Variants in HMBOX1 observed in about 807,000 individuals in gnomAD.
HMBOX1 encodes homeobox-containing protein 1.
In HMBOX1, 14 loss-of-function variants were observed where a neutral mutation model predicts 54.5. The observed-to-expected ratio is 0.26, with a 90% CI of 0.17 to 0.40. The LOEUF is 0.40. Ranked by LOEUF, HMBOX1 falls within the 10% of genes least tolerant of loss-of-function variation. The pLI is 1.00. For synonymous variants in HMBOX1, 160 were observed against 181.0 expected, an observed-to-expected ratio of 0.88 and a Z score of 0.93; for missense variants, 332 against 514.4, an observed-to-expected ratio of 0.65 and a Z score of 3.43.
intron 4 of HMBOX1, among the ~76,000 whole-genome samples, chr8:29,005,200 T>C (rs911900293): frequency 1.3e-5 from 2 of 152,230 alleles, no homozygotes; most frequent in African/African-American, 4.8e-5. Flanking sequence ...CTAACCTTGC[T>C]TACTTCAGAG....
chr8:28,950,911 G>A (rs1358973332), intron 1 of HMBOX1, among the ~76,000 whole-genome samples: 1 of 152,204 alleles, frequency 6.6e-6, no homozygotes, highest in Non-Finnish European at 1.5e-5. Flanking sequence ...AAGTAATCAA[G>A]ACCTATAATT....
intron 1 of HMBOX1, among the ~76,000 whole-genome samples, chr8:28,950,739 TAA>T (rs1273017926): frequency 6.6e-6 from 1 of 152,228 alleles, no homozygotes; most frequent in Non-Finnish European, 1.5e-5. Flanking sequence ...GACCTAGGGA[TAA>T]GTCTTCTCTG....
intron 1 of HMBOX1, among the ~76,000 whole-genome samples, chr8:28,900,433 T>C (rs1451009571): frequency 3.3e-5 from 5 of 151,866 alleles, no homozygotes; most frequent in Middle Eastern, 3.2e-3. Context: ...TAATGTCTAC[T>C]TAGAACCTAT....
chr8:29,047,514 T>TAAGA (rs1030806132), intron 8 of HMBOX1, 61 bp downstream of exon 8: 4 of 829,610 alleles, frequency 4.8e-6, no homozygotes, highest in Non-Finnish European at 8.3e-6. Context: ...ATGTTTATAT[T>TAAGA]AAGATTAACT....
chr8:28,922,572 G>A (rs1817734293), intron 1 of HMBOX1, among the ~76,000 whole-genome samples: 2 of 152,058 alleles, frequency 1.3e-5, no homozygotes, highest in East Asian at 1.9e-4. Flanking sequence ...CCTGGGTACC[G>A]TTGAAATCTA....
chr8:28,939,699 G>A (rs1259737355), intron 1 of HMBOX1, among the ~76,000 whole-genome samples: 12 of 151,992 alleles, frequency 7.9e-5, no homozygotes, highest in African/African-American at 1.9e-4. Flanking sequence ...TAGTAGAGAC[G>A]AGGTTTCACT....
chr8:28,908,150 G>A (rs1364552855), intron 1 of HMBOX1, among the ~76,000 whole-genome samples: 1 of 152,064 alleles, frequency 6.6e-6, no homozygotes, highest in Non-Finnish European at 1.5e-5. Flanking sequence ...ACTGTGCCCA[G>A]CCTAAAATAT....
intron 4 of HMBOX1, among the ~76,000 whole-genome samples, chr8:28,996,836 A>T (rs951810456): frequency 4.6e-5 from 7 of 152,164 alleles, no homozygotes; most frequent in Non-Finnish European, 1.0e-4. Flanking sequence ...CACTTGTCCC[A>T]TGTATTTTAT....
At chr8:28,978,530 C>G (rs1447871343) in intron 3 of HMBOX1, among the ~76,000 whole-genome samples, 1 of 152,148 alleles carries the variant, frequency 6.6e-6, no homozygotes, top group Non-Finnish European at 1.5e-5. Flanking sequence ...CGCCTGTATT[C>G]CCAGCACTTT....
chr8:29,044,204 G>A (rs1805249999), intron 6 of HMBOX1, among the ~76,000 whole-genome samples: 1 of 152,148 alleles, frequency 6.6e-6, no homozygotes, highest in African/African-American at 2.4e-5. Flanking sequence ...CAATAGGATG[G>A]CATTTCCACC....
At chr8:28,952,480 C>T (rs554824494) in intron 1 of HMBOX1, among the ~76,000 whole-genome samples, 1 of 152,274 alleles carries the variant, frequency 6.6e-6, no homozygotes, top group South Asian at 2.1e-4. Flanking sequence ...GCCATCCACC[C>T]GCCTGGGCCT....
chr8:28,998,757 C>G (rs915919683), intron 4 of HMBOX1, among the ~76,000 whole-genome samples: 35 of 151,928 alleles, frequency 2.3e-4, no homozygotes, highest in Admixed American at 1.8e-3. Flanking sequence ...ATTGTTTTCT[C>G]ATGTACAATT....
At chr8:29,050,202 G>C (rs1408883964) in intron 9 of HMBOX1, 1 of 983,542 alleles carries the variant, frequency 1.0e-6, no homozygotes, top group Non-Finnish European at 1.2e-6. Context: ...TTTCCTTAAG[G>C]GACTTACCCT....
At chr8:28,890,772 G>A (rs1810731143) in intron 1 of HMBOX1, 94 bp downstream of exon 1, 2 of 152,662 alleles carry the variant, frequency 1.3e-5, no homozygotes, top group South Asian at 4.1e-4. Context: ...GGGTTTTGGG[G>A]AGGAAGTGAG....
intron 5 of HMBOX1, among the ~76,000 whole-genome samples, chr8:29,017,313 A>T (rs550354991): frequency 4.3e-4 from 66 of 152,282 alleles, no homozygotes; most frequent in African/African-American, 1.5e-3. Context: ...ATTTCAAAGC[A>T]TCTTATAACC....
chr8:28,931,655 C>T (rs1819490232), intron 1 of HMBOX1, among the ~76,000 whole-genome samples: 1 of 152,118 alleles, frequency 6.6e-6, no homozygotes. Context: ...GATCCTCCCA[C>T]CTCAGCCTCC....
At chr8:29,019,395 T>C (rs1800823998) in intron 6 of HMBOX1, among the ~76,000 whole-genome samples, 1 of 152,274 alleles carries the variant, frequency 6.6e-6, no homozygotes, top group Non-Finnish European at 1.5e-5. Flanking sequence ...ACCTGATCCA[T>C]AGTAGGCACT....
rs560370301 is a variant in HMBOX1, at chr8:28,978,314, A to T, written c.501-1757A>T. On this transcript the variant is annotated intron_variant, in intron 3 of 9. Coordinates refer to ENST00000287701, the MANE Select transcript of HMBOX1 (RefSeq NM_001135726.3). ...TGAATAGGATACTTCAGTTTCTCCA[A>T]ATAGTCTACAGAGAGATGTGAACCC... Among the ~76,000 whole-genome samples, 7 of 152,354 alleles carry T rather than the reference A, an allele frequency of 4.6e-5. No homozygotes were observed. The South Asian group carries it at 1.4e-3, about 32-fold the overall frequency.
At chr8:28,997,454 A>G (rs1832032215) in intron 4 of HMBOX1, among the ~76,000 whole-genome samples, 1 of 152,144 alleles carries the variant, frequency 6.6e-6, no homozygotes, top group African/African-American at 2.4e-5. Context: ...CCACCTGGTC[A>G]TGGTTTATAA....
Sources: allele counts gnomAD v4.1 joint callset (sites outside exome capture counted in the v4.1 genomes callset), GRCh38; gene constraint gnomAD v4.1.1; transcripts MANE v1.5; gene names NCBI Gene and HGNC (gene_info 2026-07-23, HGNC 2026-07-21).